Variants in BCL2 observed in about 807,000 individuals in gnomAD.
BCL2 encodes the protein apoptosis regulator Bcl-2.
BCL2 carries 1 observed loss-of-function variant against 14.2 expected under a neutral mutation model. That is an observed-to-expected ratio of 0.07 (90% CI 0.02 to 0.33). The LOEUF is 0.33. Among genes scored for constraint, BCL2 ranks in the 10% least tolerant of loss-of-function variants. BCL2 has a pLI of 0.99. For missense variants in BCL2, 247 were observed against 305.9 expected, an observed-to-expected ratio of 0.81 and a Z score of 1.44; for synonymous variants, 151 against 137.2, an observed-to-expected ratio of 1.10 and a Z score of -0.70.
chr18:63,246,922 C>A (rs1423211509), intron 2 of BCL2, among the ~76,000 whole-genome samples: 4 of 152,124 alleles, frequency 2.6e-5, no homozygotes, highest in Non-Finnish European at 4.4e-5. Context: ...ATTAAATAGC[C>A]TCAATTAATG....
intron 2 of BCL2, among the ~76,000 whole-genome samples, chr18:63,138,781 C>A (rs1914278207): frequency 6.6e-6 from 1 of 152,192 alleles, no homozygotes; most frequent in Non-Finnish European, 1.5e-5. Context: ...AAAACCCAAA[C>A]AAAACAAAAA....
chr18:63,145,436 G>A (rs745885338), intron 2 of BCL2, among the ~76,000 whole-genome samples: 10 of 149,054 alleles, frequency 6.7e-5, no homozygotes, highest in Non-Finnish European at 1.0e-4. Context: ...CCACTGCCCC[G>A]TCACCTGCTT....
At chr18:63,177,164 GC>G (rs1915369829) in intron 2 of BCL2, among the ~76,000 whole-genome samples, 1 of 151,702 alleles carries the variant, frequency 6.6e-6, no homozygotes, top group Non-Finnish European at 1.5e-5. Context: ...TAATTCACCC[GC>G]TTCCATAGGG....
intron 2 of BCL2, among the ~76,000 whole-genome samples, chr18:63,180,685 GTC>G (rs1278485114): frequency 3.3e-5 from 5 of 152,156 alleles, no homozygotes; most frequent in African/African-American, 1.2e-4. Flanking sequence ...AGGATAGGGG[GTC>G]TCCAGCCAAT....
intron 2 of BCL2, among the ~76,000 whole-genome samples, chr18:63,251,019 G>C (rs1911294940): frequency 6.6e-6 from 1 of 152,084 alleles, no homozygotes; most frequent in Non-Finnish European, 1.5e-5. Flanking sequence ...TTTCTTGGCT[G>C]GGTTATGAAT....
At chr18:63,253,131 T>C (rs900609767) in intron 2 of BCL2, among the ~76,000 whole-genome samples, 5 of 152,246 alleles carry the variant, frequency 3.3e-5, no homozygotes, top group Non-Finnish European at 1.5e-5. Flanking sequence ...TAGCTGGCAC[T>C]GTTCTAAGCA....
At chr18:63,218,661 ATCC>A (rs72070675) in intron 2 of BCL2, among the ~76,000 whole-genome samples, 181 of 584 alleles carry the variant, frequency 0.31, 1 homozygote, top group South Asian at 0.4. Flanking sequence ...ACTCATCCCC[ATCC>A]TCCAGTCATC....
chr18:63,247,561 A>G (rs1029812436), intron 2 of BCL2, among the ~76,000 whole-genome samples: 1 of 152,128 alleles, frequency 6.6e-6, no homozygotes, highest in Non-Finnish European at 1.5e-5. Context: ...GAAATCTTCT[A>G]CTAGGGGAAG....
intron 2 of BCL2, among the ~76,000 whole-genome samples, chr18:63,213,555 C>A (rs866280006): frequency 9.8e-4 from 148 of 150,290 alleles, no homozygotes; most frequent in African/African-American, 2.3e-3. Flanking sequence ...TAAACACACA[C>A]ACACACACAC....
At chr18:63,300,339 T>TA (rs1408522289) in intron 2 of BCL2, among the ~76,000 whole-genome samples, 1 of 151,770 alleles carries the variant, frequency 6.6e-6, no homozygotes, top group East Asian at 1.9e-4. Flanking sequence ...TCTGCCTATT[T>TA]AACACACACA....
rs372286465 is a variant in BCL2, at chr18:63,169,369, C to CTTTCTTTCTTTCTT, written c.586-40611_586-40610insAAGAAAGAAAGAAA. Among the ~76,000 whole-genome samples the CTTTCTTTCTTTCTT allele has an allele frequency of 2.9e-4, 20 of 69,538 alleles. 1 individual carries two copies. Among genetic ancestry groups the CTTTCTTTCTTTCTT allele is most frequent in the South Asian group, 1.1e-3 (2 of 1,894 alleles). 45.6% of individuals were successfully genotyped at this position (69,538 alleles called of 152,430 possible). A position where few individuals can be genotyped will look rare whatever the true frequency, so the allele number is the denominator to read the frequency against. On this transcript the variant is annotated intron_variant, in intron 2 of 2. Transcript: ENST00000333681. The stretch of plus-strand genomic sequence containing the variant: ...TCTTTCTTTCTTTCTTTCTTTCTTT[C>CTTTCTTTCTTTCTT]TCTTTCTTTCTTTCTTTCTTTTTCT...
chr18:63,274,277 C>T (rs200808261), intron 2 of BCL2, among the ~76,000 whole-genome samples: 4 of 86,750 alleles, frequency 4.6e-5, no homozygotes, highest in South Asian at 4.4e-4. Context: ...TAAAGATACT[C>T]TTTTTTTTTT....
intron 2 of BCL2, among the ~76,000 whole-genome samples, chr18:63,151,751 G>A (rs1278647819): frequency 6.6e-6 from 1 of 152,168 alleles, no homozygotes; most frequent in Non-Finnish European, 1.5e-5. Flanking sequence ...TTAATGCGAT[G>A]TGAGTCCCTT....
rs1913581227 is a variant in BCL2, at chr18:63,318,525, T to C, written c.142A>G (p.Ile48Val). ...APPGAAPAPG[I>V]FSSQPGHTPH... ...GTGTGCCCGGGCTGGGAGGAGAAGA[T>C]GCCCGGTGCGGGGGCGGCCCCCGGG... Residue 48 changes from isoleucine to valine, a missense_variant, in exon 2 of 3, where the codon ATC becomes GTC. By Grantham distance (29) the Ile-to-Val change is conservative. This residue lies in a region of BCL2 where 144 missense variants were observed against 135.3 expected (regional missense o/e 1.06). Transcript: ENST00000333681. The surrounding 1 kb of genome is among the most constrained non-coding windows in gnomAD (Gnocchi z 7.4). The C allele has an allele frequency of 6.4e-7, 1 of 1,574,764 alleles. No individual in the cohort carries two copies. The highest frequency in any genetic ancestry group is 1.8e-5 in the Admixed American group (1 of 55,396).
intron 2 of BCL2, among the ~76,000 whole-genome samples, chr18:63,226,129 C>T (rs1910537000): frequency 6.6e-6 from 1 of 152,200 alleles, no homozygotes; most frequent in Admixed American, 6.5e-5. Flanking sequence ...CCTGGCCAAA[C>T]TCCTGTCTGA....
chr18:63,125,568 A>G lies in BCL2; in HGVS notation c.*3057T>C. The stretch of plus-strand genomic sequence containing the variant: ...GTGTAAAGAGGAGTACATACAGAGG[A>G]CTGTTTTTTCATTCATAAAGAGCAG... On this transcript the variant is annotated 3_prime_UTR_variant, in exon 3 of 3. Coordinates refer to ENST00000333681, the MANE Select transcript of BCL2 (RefSeq NM_000633.3). The G allele has an allele frequency of 4.7e-6, 1 of 214,558 alleles. No individual in the cohort carries two copies. Among genetic ancestry groups the G allele is most frequent in the Non-Finnish European group, 9.4e-6 (1 of 106,136 alleles). 13.3% of individuals were successfully genotyped at this position (214,558 alleles called of 1,614,324 possible).
chr18:63,244,145 C>T (rs1034332269), intron 2 of BCL2, among the ~76,000 whole-genome samples: 4 of 152,038 alleles, frequency 2.6e-5, no homozygotes, highest in South Asian at 2.1e-4. Context: ...TTTGCGAGGC[C>T]GAGGTGGGTA....
At chr18:63,280,348 A>G (rs141329735) in intron 2 of BCL2, among the ~76,000 whole-genome samples, 67 of 152,364 alleles carry the variant, frequency 4.4e-4, no homozygotes, top group African/African-American at 1.4e-3. Flanking sequence ...TGTAAAATGA[A>G]TTAAGATCCT....
intron 2 of BCL2, among the ~76,000 whole-genome samples, chr18:63,216,097 T>TTTTG (rs1270058199): frequency 4.6e-5 from 7 of 152,050 alleles, no homozygotes; most frequent in African/African-American, 2.4e-5. Context: ...AGGGCTGTGG[T>TTTTG]TTTGTTTGTT....
Sources: gnomAD v4.1 joint callset for allele counts (sites outside exome capture counted in the v4.1 genomes callset) on GRCh38, gnomAD v4.1.1 for gene constraint, gnomAD v4.1.1 regional missense constraint, Gnocchi (gnomAD v3.1) non-coding constraint, MANE v1.5 for transcripts, NCBI Gene and HGNC (gene_info 2026-07-23, HGNC 2026-07-21) for gene names.